Variants in SASH1 observed in about 807,000 individuals in gnomAD.
SASH1 encodes SAM and SH3 domain-containing protein 1.
A neutral mutation model predicts 125.2 loss-of-function variants in SASH1; 44 were observed. That is an observed-to-expected ratio of 0.35 (90% CI 0.28 to 0.45). SASH1 has a LOEUF of 0.45. Among genes scored for constraint, SASH1 ranks in the 20% least tolerant of loss-of-function variants. The pLI, the probability that SASH1 is intolerant of heterozygous loss-of-function variation, is 1.00. For synonymous variants in SASH1, 639 were observed against 649.1 expected (o/e 0.98, Z 0.24); for missense variants, 1,426 against 1,614.5 (o/e 0.88, Z 2.00).
At chr6:148,215,486 A>G in the SASH1 span, among the ~76,000 whole-genome samples, 1 of 152,206 alleles carries the variant, frequency 6.6e-6, no homozygotes, top group Non-Finnish European at 1.5e-5. Context: ...AACAAAAGCT[A>G]ACACTCTGGG....
At chr6:148,442,252 C>G (rs1465448067) in intron 4 of SASH1, among the ~76,000 whole-genome samples, 1 of 151,148 alleles carries the variant, frequency 6.6e-6, no homozygotes, top group Non-Finnish European at 1.5e-5. Flanking sequence ...CCCAGCCCCC[C>G]CAAAATTAGC....
intron 12 of SASH1, among the ~76,000 whole-genome samples, chr6:148,528,077 TC>T (rs1781300381): frequency 6.6e-6 from 1 of 151,976 alleles, no homozygotes; most frequent in Non-Finnish European, 1.5e-5. Flanking sequence ...TCAAAGTTCT[TC>T]CTGGGTACCA....
At chr6:148,458,704 A>G (rs6913360) in intron 4 of SASH1, among the ~76,000 whole-genome samples, 133,838 of 152,170 alleles carry the variant, frequency 0.88, 58,867 homozygotes, top group South Asian at 0.93. Flanking sequence ...GGGGGCTCAC[A>G]CCTGTAATCC....
chr6:148,419,435 A>G (rs920794053), intron 2 of SASH1, among the ~76,000 whole-genome samples: 3 of 151,938 alleles, frequency 2.0e-5, no homozygotes, highest in Non-Finnish European at 2.9e-5. Context: ...CCGTATCCCT[A>G]TAGGGATTAT....
intron 4 of SASH1, among the ~76,000 whole-genome samples, chr6:148,467,672 C>T (rs1264507217): frequency 2.6e-5 from 4 of 152,182 alleles, no homozygotes; most frequent in African/African-American, 7.2e-5. Flanking sequence ...CACAGTGGCT[C>T]ACGCCTGTAA....
At chr6:148,537,774 TTCTGTGTGTGTG>T (rs1188674190) in intron 16 of SASH1, among the ~76,000 whole-genome samples, 1 of 110,740 alleles carries the variant, frequency 9.0e-6, no homozygotes, top group African/African-American at 3.3e-5. Context: ...TCTTAGCATA[TTCTGTGTGTGTG>T]TGTGTGTGTG....
rs1477921786 is a variant in SASH1, at chr6:148,519,654, C to T, written c.970C>T (p.Pro324Ser). 1.2e-6 allele frequency: 2 copies of T among 1,614,136 alleles called. No homozygotes were observed. The highest frequency in any genetic ancestry group is 1.7e-6 in the Non-Finnish European group (2 of 1,180,038). ...TTTCTTTGATGGCTCTCCTGAGAAA[C>T]CTCCCGAAGATGACTCAGACTCTCT... The part of the protein sequence containing the change: ...PLFFDGSPEK[P>S]PEDDSDSLTT... The change falls in exon 10 of 20, where the codon CCT becomes TCT. Residue 324 changes from proline to serine, a missense_variant. Transcript: ENST00000367467. This position sits in a 1 kb window ranked among gnomAD's most constrained non-coding sequence, Gnocchi z 4.8.
intron 17 of SASH1, among the ~76,000 whole-genome samples, chr6:148,541,314 G>A (rs968793266): frequency 1.3e-5 from 2 of 151,228 alleles, no homozygotes; most frequent in Admixed American, 6.6e-5. Flanking sequence ...TATTTACTGA[G>A]CACCTACTAA....
rs920525210 is a variant in SASH1, at chr6:148,549,462, A to G, written c.*904A>G. 10 of 395,716 alleles carry G rather than the reference A, an allele frequency of 2.5e-5. No individual in the cohort carries two copies. The highest frequency in any genetic ancestry group is 1.4e-4 in the African/African-American group (7 of 48,570). 24.5% of individuals were successfully genotyped at this position (395,716 alleles called of 1,614,324 possible). A position where few individuals can be genotyped will look rare whatever the true frequency, so the allele number is the denominator to read the frequency against. ...ATTCATAGTGACTGCTTTTGGTTTT[A>G]ACCAGTTTAGTATCGTTACTGTGTG... is the stretch of plus-strand genomic sequence containing the variant. On this transcript the variant is annotated 3_prime_UTR_variant, in exon 20 of 20. Coordinates refer to ENST00000367467, the MANE Select transcript of SASH1 (RefSeq NM_015278.5).
At chr6:148,323,716 A>T (rs936127601) in intron 1 of SASH1, among the ~76,000 whole-genome samples, 3 of 152,144 alleles carry the variant, frequency 2.0e-5, no homozygotes, top group African/African-American at 7.2e-5. Context: ...AGCTTCCTGG[A>T]TGACATCCAT....
At chr6:148,208,094 C>T in the SASH1 span, among the ~76,000 whole-genome samples, 3 of 152,170 alleles carry the variant, frequency 2.0e-5, no homozygotes, top group African/African-American at 7.2e-5. Context: ...ATCAGCTGAG[C>T]CCCCGTTTGG....
At position 148,543,809 on chromosome 6, in the gene SASH1, A is replaced by G; in HGVS notation, c.2339A>G (p.Gln780Arg). ...ATGAAATCAGGGGATGCACTGAAGC[A>G]GGGACAGGAGGAGGGCAGGCTGGGT... Reference protein sequence around the residue: ...PLMKSGDALKQGQEEGRLGGG... With the variant: ...PLMKSGDALKRGQEEGRLGGG... Residue 780 changes from glutamine to arginine, a missense_variant, in exon 18 of 20, where the codon CAG becomes CGG. Physicochemically the swap from Gln to Arg is conservative, Grantham distance 43. This residue lies in a region of SASH1 where 634 missense variants were observed against 694.4 expected (regional missense o/e 0.91). Coordinates refer to ENST00000367467, the MANE Select transcript of SASH1 (RefSeq NM_015278.5). 7 of 1,614,188 alleles carry G rather than the reference A, an allele frequency of 4.3e-6. No homozygotes were observed. The highest frequency in any genetic ancestry group is 2.2e-5 in the East Asian group (1 of 44,886).
the SASH1 span, among the ~76,000 whole-genome samples, chr6:148,244,904 A>ATGTGTG: frequency 1.7e-4 from 20 of 119,094 alleles, no homozygotes; most frequent in African/African-American, 5.8e-4. Flanking sequence ...GGCCTGGGGC[A>ATGTGTG]TGTGTGTGTG....
chr6:148,273,851 G>A (rs950801085), intron 1 of SASH1, among the ~76,000 whole-genome samples: 3 of 152,336 alleles, frequency 2.0e-5, no homozygotes, highest in African/African-American at 7.2e-5. Context: ...GCCTGGTACT[G>A]TCGGTGCCCA....
intron 16 of SASH1, among the ~76,000 whole-genome samples, chr6:148,536,657 T>TAC (rs1253620883): frequency 2.0e-4 from 31 of 152,214 alleles, no homozygotes; most frequent in African/African-American, 7.0e-4. Flanking sequence ...GGTTTATATA[T>TAC]ACTCTCCATG....
intron 1 of SASH1, among the ~76,000 whole-genome samples, chr6:148,302,087 A>G (rs1779964396): frequency 6.6e-6 from 1 of 151,214 alleles, no homozygotes. Flanking sequence ...AGGCCGAGGC[A>G]GGCAGATCAT....
intron 11 of SASH1, among the ~76,000 whole-genome samples, chr6:148,526,201 T>C (rs1209430724): frequency 1.3e-5 from 2 of 151,980 alleles, no homozygotes; most frequent in African/African-American, 4.8e-5. Flanking sequence ...CTGGCTAGGA[T>C]TACAGGTGCA....
chr6:148,266,263 C>T, the SASH1 span, among the ~76,000 whole-genome samples: 1 of 152,180 alleles, frequency 6.6e-6, no homozygotes, highest in African/African-American at 2.4e-5. Context: ...GCCACCGTGC[C>T]CAGCTCAGAA....
At chr6:148,456,873 CAATAAT>C (rs56067798) in intron 4 of SASH1, among the ~76,000 whole-genome samples, 8 of 142,298 alleles carry the variant, frequency 5.6e-5, no homozygotes, top group South Asian at 2.3e-4. Flanking sequence ...TGTCTCATAA[CAATAAT>C]AATAATAATA....
Sources: allele counts gnomAD v4.1 joint callset (sites outside exome capture counted in the v4.1 genomes callset), GRCh38; gene constraint gnomAD v4.1.1; regional missense constraint gnomAD v4.1.1; non-coding constraint Gnocchi (gnomAD v3.1); transcripts MANE v1.5; gene names NCBI Gene and HGNC (gene_info 2026-07-23, HGNC 2026-07-21).